Variants in PRP4K observed in about 807,000 individuals in gnomAD.
PRP4K encodes the protein pre-mRNA processing factor kinase PRP4K, also known as serine/threonine-protein kinase PRP4 homolog.
At chr6:4,031,583 G>A in the PRP4K span, 2 of 1,571,598 alleles carry the variant, frequency 1.3e-6, no homozygotes, top group African/African-American at 2.8e-5. Flanking sequence ...ATTCTGAAAA[G>A]AGTATAAATG....
chr6:4,043,890 A>T, the PRP4K span: 1 of 1,614,232 alleles, frequency 6.2e-7, no homozygotes, highest in Non-Finnish European at 8.5e-7. Flanking sequence ...GTACGAGAAC[A>T]CGATCACCAT....
chr6:4,031,081 T>C, the PRP4K span, among the ~76,000 whole-genome samples: 1 of 152,208 alleles, frequency 6.6e-6, no homozygotes, highest in Non-Finnish European at 1.5e-5. Context: ...ACACCAAGTT[T>C]CATGAATTTC....
At chr6:4,032,058 A>G in the PRP4K span, 42 of 1,613,942 alleles carry the variant, frequency 2.6e-5, no homozygotes, top group Non-Finnish European at 3.2e-5. Flanking sequence ...AATTACTACA[A>G]AGAAACGAAG....
the PRP4K span, among the ~76,000 whole-genome samples, chr6:4,045,449 G>C: frequency 6.6e-6 from 1 of 152,152 alleles, no homozygotes; most frequent in Non-Finnish European, 1.5e-5. Context: ...CATTTAATAG[G>C]AAATGCCATT....
chr6:4,063,861 C>T, the PRP4K span: 9 of 151,896 alleles, frequency 5.9e-5, no homozygotes, highest in African/African-American at 1.9e-4. Context: ...TGCTATCTGC[C>T]GTGAATTTTT....
At chr6:4,036,905 C>T in the PRP4K span, among the ~76,000 whole-genome samples, 1 of 149,508 alleles carries the variant, frequency 6.7e-6, no homozygotes, top group African/African-American at 2.5e-5. Flanking sequence ...AGGATTGCCT[C>T]AGCCTGGGAG....
At chr6:4,030,265 G>A in the PRP4K span, among the ~76,000 whole-genome samples, 4 of 152,140 alleles carry the variant, frequency 2.6e-5, no homozygotes, top group African/African-American at 4.8e-5. Context: ...TTCCTGCCGC[G>A]TGGCTTAATG....
chr6:4,039,458 A>G, the PRP4K span, among the ~76,000 whole-genome samples: 2 of 152,094 alleles, frequency 1.3e-5, no homozygotes, highest in Non-Finnish European at 2.9e-5. Flanking sequence ...GGAGTGACCA[A>G]CCCTTCTCTA....
chr6:4,022,113 T>C, the PRP4K span, among the ~76,000 whole-genome samples: 2 of 150,678 alleles, frequency 1.3e-5, no homozygotes, highest in African/African-American at 4.9e-5. Context: ...CTTGCAAACT[T>C]GAGGCAAAGT....
the PRP4K span, chr6:4,064,972 C>T: frequency 6.6e-6 from 1 of 152,256 alleles, no homozygotes; most frequent in African/African-American, 2.4e-5. Context: ...TAAAATATGC[C>T]TCTTATTATC....
chr6:4,059,166 T>C, the PRP4K span, among the ~76,000 whole-genome samples: 2 of 152,214 alleles, frequency 1.3e-5, no homozygotes, highest in African/African-American at 4.8e-5. Context: ...AAAACCTTTG[T>C]TGGCTCCCTG....
the PRP4K span, chr6:4,060,345 C>A: frequency 1.4e-6 from 2 of 1,407,060 alleles, no homozygotes; most frequent in Non-Finnish European, 1.9e-6. The surrounding 1 kb of genome is among the most constrained non-coding windows in gnomAD (Gnocchi z 4.7). Context: ...GACCCCAAAA[C>A]AATCTGATTT....
At chr6:4,057,747 T>C in the PRP4K span, among the ~76,000 whole-genome samples, 7 of 137,062 alleles carry the variant, frequency 5.1e-5, no homozygotes, top group African/African-American at 1.9e-4. Context: ...GGGCCATAAC[T>C]TAGCTTTTTT....
the PRP4K span, among the ~76,000 whole-genome samples, chr6:4,034,147 A>T: frequency 7.6e-6 from 1 of 131,614 alleles, no homozygotes; most frequent in Non-Finnish European, 1.7e-5. Context: ...AATAACATGA[A>T]TATAAGGGAA....
the PRP4K span, chr6:4,032,220 C>G: frequency 3.1e-6 from 5 of 1,613,864 alleles, no homozygotes; most frequent in African/African-American, 5.3e-5. Context: ...GTCTCAAGAT[C>G]AAGCAAGGAA....
chr6:4,044,010 T>G, the PRP4K span: 1 of 1,614,032 alleles, frequency 6.2e-7, no homozygotes, highest in Non-Finnish European at 8.5e-7. Flanking sequence ...TAATGACAGT[T>G]GAACAGAATA....
chr6:4,040,636 T>C, the PRP4K span: 1 of 946,150 alleles, frequency 1.1e-6, no homozygotes, highest in African/African-American at 1.7e-5. Context: ...ATAGACTATA[T>C]TTTAGAAGAG....
At chr6:4,029,066 C>A in the PRP4K span, among the ~76,000 whole-genome samples, 3 of 144,436 alleles carry the variant, frequency 2.1e-5, no homozygotes, top group Non-Finnish European at 4.5e-5. Context: ...GTTGCCCAGG[C>A]TGGAGTGCAG....
the PRP4K span, chr6:4,056,873 A>G: frequency 1.9e-6 from 2 of 1,070,062 alleles, no homozygotes; most frequent in African/African-American, 3.2e-5. Context: ...AGTCTCTATT[A>G]AGAATTAGTG....
Sources: allele counts gnomAD v4.1 joint callset (sites outside exome capture counted in the v4.1 genomes callset), GRCh38; gene constraint gnomAD v4.1.1; non-coding constraint Gnocchi (gnomAD v3.1); transcripts MANE v1.5; gene names NCBI Gene and HGNC (gene_info 2026-07-23, HGNC 2026-07-21).